The following KIAA0408 variants were observed in gnomAD, a reference collection of about 807,000 sequenced individuals.
KIAA0408 encodes the protein uncharacterized protein KIAA0408.
KIAA0408 carries 51 observed loss-of-function variants against 60.9 expected under a neutral mutation model. The ratio of observed to expected loss-of-function variants is 0.84; its 90% confidence interval spans 0.67 to 1.06. The LOEUF (loss-of-function observed/expected upper bound fraction) is 1.06. Ranked by LOEUF, KIAA0408 falls within the 50% of genes least tolerant of loss-of-function variation. The pLI is 0.00. For missense variants in KIAA0408, 787 were observed against 833.9 expected (o/e 0.94, Z 0.69); for synonymous variants, 304 against 282.4 (o/e 1.08, Z -0.77).
In KIAA0408 at chr6:127,447,278, A is replaced by G. The variant is rs779339884; in HGVS notation, c.1041T>C (p.Asp347=). 6.2e-7 allele frequency: 1 copy of G among 1,613,902 alleles called. No homozygotes were observed. Among genetic ancestry groups the G allele is most frequent in the Non-Finnish European group, 8.5e-7 (1 of 1,179,976 alleles). The change falls in exon 5 of 6, where the codon GAT becomes GAC. Residue 347 remains aspartate (D), a synonymous_variant. Coordinates refer to ENST00000483725, the MANE Select transcript of KIAA0408 (RefSeq NM_014702.5). ...FSSLVPEVKI[D]SKPPSNEDVG... is the part of the protein sequence containing the mutation. ...CATCTTCATTACTTGGAGGCTTGCT[A>G]TCTATTTTGACTTCTGGTACCAAAG...
At position 127,443,767 on chromosome 6, in the gene KIAA0408, C is replaced by T. The variant is rs1773141886; in HGVS notation, c.*342G>A. ...CACATAAGTTTTTCATATCTAAATA[C>T]ATACTAGGATACTTCCTATTTCAAC... On this transcript the variant is annotated 3_prime_UTR_variant, in exon 6 of 6. Transcript: ENST00000483725. 1 of 200,378 alleles carries T rather than the reference C, an allele frequency of 5.0e-6. No homozygotes were observed. Among genetic ancestry groups the T allele is most frequent in the Non-Finnish European group, 1.0e-5 (1 of 97,762 alleles). The allele number at this position is 200,378 out of a possible 1,614,324, so 12.4% of individuals were successfully genotyped here.
In KIAA0408 at chr6:127,446,139, G is replaced by T. The variant is rs1213421536; in HGVS notation, c.1911+269C>A. ...TTTTTTCAAGAAAGAGCAAACATTT[G>T]ATCTTCTTCAGGTTCCTAAATCCAC... On this transcript the variant is annotated intron_variant, in intron 5 of 5. Coordinates refer to ENST00000483725, the MANE Select transcript of KIAA0408 (RefSeq NM_014702.5). Among the ~76,000 whole-genome samples, 6 of 152,056 alleles carry T rather than the reference G, an allele frequency of 3.9e-5. No homozygotes were observed. The East Asian group carries it at 9.6e-4, about 24-fold the overall frequency.
chr6:127,447,111 G>C lies in KIAA0408; in HGVS notation c.1208C>G (p.Pro403Arg). The change falls in exon 5 of 6, where the codon CCT (proline) becomes CGT (arginine). Residue 403 changes from proline (P) to arginine (R), a missense_variant. Physicochemically the swap from Pro to Arg is moderately radical, Grantham distance 103. Transcript: ENST00000483725. ...VIPDHPAKSH[P>R]DLHVSNDCSS... is the part of the protein sequence containing the mutation. Reference sequence around the variant, plus strand: ...ACAGTCATTACTTACATGAAGATCAGGATGAGATTTAGCAGGGTGATCTGG... The same window carrying C: ...ACAGTCATTACTTACATGAAGATCACGATGAGATTTAGCAGGGTGATCTGG... 1 of 1,613,886 alleles carries C rather than the reference G, an allele frequency of 6.2e-7. No individual in the cohort carries two copies.
In KIAA0408 at chr6:127,446,311, T is replaced by C. The variant is rs1336572053; in HGVS notation, c.1911+97A>G. 9.2e-5 allele frequency: 139 copies of C among 1,511,270 alleles called. 1 individual carries two copies. Among genetic ancestry groups the C allele is most frequent in the Non-Finnish European group, 1.2e-4 (132 of 1,135,602 alleles). The allele number at this position is 1,511,270 out of a possible 1,614,324, so 93.6% of individuals were successfully genotyped here. A position where few individuals can be genotyped will look rare whatever the true frequency, so the allele number is the denominator to read the frequency against. ...GAGGCTAAGAAGAGTCCAAAACTTG[T>C]GCCCTCATTCTATTTATATGAATTG... On this transcript the variant is annotated intron_variant, in intron 5 of 5. Coordinates refer to ENST00000483725, the MANE Select transcript of KIAA0408 (RefSeq NM_014702.5).
chr6:127,452,443 T>C (rs1193860138), intron 2 of KIAA0408, among the ~76,000 whole-genome samples: 1 of 152,146 alleles, frequency 6.6e-6, no homozygotes, highest in African/African-American at 2.4e-5. Flanking sequence ...GGATGTTATC[T>C]CTATGAGGTA....
Position 127,447,500 on chromosome 6 carries a change from G to A in KIAA0408, c.819C>T (p.Thr273=). The part of the protein sequence containing the change: ...ETPPVPPPRS[T]SRNFPSSDSE... ...AATCCGAGCTGGGAAAATTTCGAGA[G>A]GTGCTTCTTGGAGGAGGAACTGGTG... Residue 273 remains threonine (T), a synonymous_variant, in exon 5 of 6, where the codon ACC becomes ACT. Transcript: ENST00000483725. The A allele has an allele frequency of 1.2e-6, 2 of 1,612,228 alleles. No individual in the cohort carries two copies. Among genetic ancestry groups the A allele is most frequent in the Non-Finnish European group, 1.7e-6 (2 of 1,179,540 alleles).
In KIAA0408 at chr6:127,440,969, A is replaced by C. The variant is rs1254617844; in HGVS notation, c.*3140T>G. The C allele has an allele frequency of 6.6e-6, 1 of 152,176 alleles. No individual in the cohort carries two copies. Among genetic ancestry groups the C allele is most frequent in the African/African-American group, 2.4e-5 (1 of 41,442 alleles). 9.4% of individuals were successfully genotyped at this position (152,176 alleles called of 1,614,324 possible). A position where few individuals can be genotyped will look rare whatever the true frequency, so the allele number is the denominator to read the frequency against. ...TATATGAGTTTAGATTTCATAAGAC[A>C]CTTAGCTTTACTGGAGTTCACTGCA... On this transcript the variant is annotated 3_prime_UTR_variant, in exon 6 of 6. Coordinates refer to ENST00000483725, the MANE Select transcript of KIAA0408 (RefSeq NM_014702.5).
intron 5 of KIAA0408, among the ~76,000 whole-genome samples, chr6:127,445,550 T>C (rs1291509541): frequency 3.3e-5 from 5 of 152,224 alleles, no homozygotes; most frequent in African/African-American, 7.2e-5. Context: ...TTTAAAACCA[T>C]GCTGCGTACT....
At chr6:127,453,504 C>T (rs1240543885) in intron 2 of KIAA0408, among the ~76,000 whole-genome samples, 1 of 152,030 alleles carries the variant, frequency 6.6e-6, no homozygotes, top group Non-Finnish European at 1.5e-5. Flanking sequence ...CTATGTCCCA[C>T]CAAGTATATC....
Position 127,447,490 on chromosome 6 carries a change from A to C in KIAA0408, c.829T>G (p.Phe277Val). Residue 277 changes from phenylalanine (F) to valine (V), a missense_variant, in exon 5 of 6, where the codon TTT becomes GTT. This residue lies in a region of KIAA0408 where 640 missense variants were observed against 681.3 expected (regional missense o/e 0.94). Coordinates refer to ENST00000483725, the MANE Select transcript of KIAA0408 (RefSeq NM_014702.5). ...VPPPRSTSRN[F>V]PSSDSEQAYE... ...GCTTGTTCAGAATCCGAGCTGGGAA[A>C]ATTTCGAGAGGTGCTTCTTGGAGGA... 6.2e-7 allele frequency: 1 copy of C among 1,613,588 alleles called. No individual in the cohort carries two copies. The highest frequency in any genetic ancestry group is 8.5e-7 in the Non-Finnish European group (1 of 1,179,878).
At chr6:127,446,319 T>C (rs1773192406) in intron 5 of KIAA0408, 89 bp downstream of exon 5, 2 of 1,515,252 alleles carry the variant, frequency 1.3e-6, no homozygotes, top group African/African-American at 2.8e-5. Context: ...TGTGCCCTCA[T>C]TCTATTTATA....
intron 2 of KIAA0408, chr6:127,451,283 G>C (rs556096662): frequency 6.6e-6 from 3 of 455,360 alleles, no homozygotes; most frequent in African/African-American, 6.0e-5. Context: ...AATACATACC[G>C]ATAACTCAGT....
At chr6:127,458,087 TCA>T (rs1388915867) in intron 1 of KIAA0408, among the ~76,000 whole-genome samples, 2 of 152,208 alleles carry the variant, frequency 1.3e-5, no homozygotes, top group Admixed American at 1.3e-4. Context: ...ACTGCTAATC[TCA>T]CAATTCCTAG....
rs758053397 is a variant in KIAA0408 at position 127,450,086 on chromosome 6, A to G, written c.402T>C (p.Asp134=). Reference sequence around the variant, plus strand: ...CCTTTTGGTTGTCTGTAGCCAAAGGATCCAAAAACCCTACTTTTGATTTTT... The same window carrying G: ...CCTTTTGGTTGTCTGTAGCCAAAGGGTCCAAAAACCCTACTTTTGATTTTT... ...ATKKSKVGFL[D]PLATDNQKEC... Residue 134 remains aspartate, a synonymous_variant, in exon 3 of 6, where the codon GAT becomes GAC. Transcript: ENST00000483725. 2.5e-6 allele frequency: 4 copies of G among 1,614,002 alleles called. No individual in the cohort carries two copies. In the South Asian group the frequency reaches 4.4e-5, roughly 18 times the overall value.
Position 127,453,973 on chromosome 6 carries a change from T to A in KIAA0408, c.9A>T (p.Leu3=), listed in dbSNP as rs573272308. The A allele has an allele frequency of 1.3e-5, 21 of 1,612,346 alleles. No individual in the cohort carries two copies. The highest frequency in any genetic ancestry group is 1.8e-5 in the Non-Finnish European group (21 of 1,178,934). ...TCTCTGTGTTCTCCCACTGCTTATG[T>A]AGGTCCATGGCAACAGTGTAAGTGT... The part of the protein sequence containing the change: MD[L]HKQWENTETN... Residue 3 remains leucine (L), a synonymous_variant, in exon 2 of 6, where the codon CTA becomes CTT. Transcript: ENST00000483725.
At position 127,443,884 on chromosome 6, in the gene KIAA0408, A is replaced by T; in HGVS notation, c.*225T>A. 1 of 510,650 alleles carries T rather than the reference A, an allele frequency of 2.0e-6. No individual in the cohort carries two copies. The highest frequency in any genetic ancestry group is 2.3e-5 in the South Asian group (1 of 44,092). The allele number at this position is 510,650 out of a possible 1,614,324, so 31.6% of individuals were successfully genotyped here. ...ACAATATTGTACATTGTTTCAACTT[A>T]TATTGTATTGGAAAACTAATGAGGA... On this transcript the variant is annotated 3_prime_UTR_variant, in exon 6 of 6. Transcript: ENST00000483725.
Position 127,447,603 on chromosome 6 carries a change from C to T in KIAA0408, c.716G>A (p.Ser239Asn). The T allele has an allele frequency of 6.2e-7, 1 of 1,613,284 alleles. No homozygotes were observed. The highest frequency in any genetic ancestry group is 1.1e-5 in the South Asian group (1 of 90,880). ...KEKQKNRKNL[S>N]CTNVLQSNST... Reference sequence around the variant, plus strand: ...ATTGCTCTGGAGCACATTGGTACAGCTCAGATTCTTCCTGTTTTTCTGTTT... The same window carrying T: ...ATTGCTCTGGAGCACATTGGTACAGTTCAGATTCTTCCTGTTTTTCTGTTT... The change falls in exon 5 of 6, where the codon AGC becomes AAC. Residue 239 changes from serine to asparagine, a missense_variant. Around this residue, in one of 3 missense-constraint regions of KIAA0408, gnomAD observed 640 missense variants for 681.3 expected, o/e 0.94. Coordinates refer to ENST00000483725, the MANE Select transcript of KIAA0408 (RefSeq NM_014702.5).
At position 127,452,344 on chromosome 6, in the gene KIAA0408, T is replaced by C. The variant is rs1166998797; in HGVS notation, c.135+1503A>G. ...ATTTTAGTTTAGTTATGGAGCTGTA[T>C]AGCACAGGCAGCAAAACATAAACAG... On this transcript the variant is annotated intron_variant, in intron 2 of 5. Transcript: ENST00000483725. Among the ~76,000 whole-genome samples, 3 of 152,138 alleles carry C rather than the reference T, an allele frequency of 2.0e-5. No homozygotes were observed. The East Asian group carries it at 5.8e-4, about 29-fold the overall frequency.
At chr6:127,448,904 C>T (rs1175146874) in intron 4 of KIAA0408, among the ~76,000 whole-genome samples, 1 of 152,062 alleles carries the variant, frequency 6.6e-6, no homozygotes, top group Non-Finnish European at 1.5e-5. Flanking sequence ...GTAGAGAATT[C>T]CAATATATTT....
Sources: gnomAD v4.1 joint callset for allele counts (sites outside exome capture counted in the v4.1 genomes callset) on GRCh38, gnomAD v4.1.1 for gene constraint, gnomAD v4.1.1 regional missense constraint, MANE v1.5 for transcripts, NCBI Gene and HGNC (gene_info 2026-07-23, HGNC 2026-07-21) for gene names.